The following HELZ variants were observed in gnomAD, a reference collection of about 807,000 sequenced individuals.
HELZ encodes the protein ATP-dependent RNA helicase with zinc finger domain.
In HELZ, 23 loss-of-function variants were observed where a neutral mutation model predicts 218.2. The ratio of observed to expected loss-of-function variants is 0.11; its 90% CI spans 0.08 to 0.15. The LOEUF (loss-of-function observed/expected upper bound fraction) is 0.15, where lower values mean the gene tolerates loss of function less well. Among genes scored for constraint, HELZ ranks in the 10% least tolerant of loss-of-function variants. HELZ has a pLI of 1.00. For synonymous variants in HELZ, 814 were observed against 829.4 expected, an observed-to-expected ratio of 0.98 and a Z score of 0.32; for missense variants, 1,813 against 2,353.7, an observed-to-expected ratio of 0.77 and a Z score of 4.75.
intron 28 of HELZ, among the ~76,000 whole-genome samples, chr17:67,113,893 G>A (rs2037354587): frequency 6.6e-6 from 1 of 152,218 alleles, no homozygotes; most frequent in Admixed American, 6.5e-5. Context: ...TATAAGCACA[G>A]AAGCAGAGAA....
At position 67,218,843 on chromosome 17, in the gene HELZ, C is replaced by T. The variant is rs771848250; in HGVS notation, c.-18-21G>A. On this transcript the variant is annotated intron_variant, in intron 3 of 32. Coordinates refer to ENST00000358691, the MANE Select transcript of HELZ (RefSeq NM_014877.4). The stretch of plus-strand genomic sequence containing the variant: ...AAATCCTACAGACAGGGAGAAAGAA[C>T]AAGAGAAGGTTTTTTAAACTTATTA... 7 of 1,558,846 alleles carry T rather than the reference C, an allele frequency of 4.5e-6. No individual in the cohort carries two copies. The African/African-American group carries it at 9.5e-5, about 21-fold the overall frequency.
intron 31 of HELZ, among the ~76,000 whole-genome samples, chr17:67,105,266 G>C (rs932601648): frequency 6.6e-6 from 1 of 152,136 alleles, no homozygotes; most frequent in African/African-American, 2.4e-5. Flanking sequence ...AATGTGCAGA[G>C]AACACAGTTT....
chr17:67,079,701 C>G (rs372717459), intron 32 of HELZ, among the ~76,000 whole-genome samples: 28 of 152,338 alleles, frequency 1.8e-4, no homozygotes, highest in African/African-American at 6.7e-4. Context: ...TACCCAATCA[C>G]AGCACTGGCA....
intron 24 of HELZ, among the ~76,000 whole-genome samples, chr17:67,124,414 T>A (rs1411963257): frequency 1.3e-5 from 2 of 152,194 alleles, no homozygotes. Context: ...AAAATGTTAA[T>A]CTTCAAGATG....
At chr17:67,160,461 T>C (rs2038964147) in intron 16 of HELZ, 99 bp from the exon 17 acceptor site, 1 of 739,464 alleles carries the variant, frequency 1.4e-6, no homozygotes. Flanking sequence ...CCTAATATTA[T>C]ACAATTCCCT....
intron 17 of HELZ, among the ~76,000 whole-genome samples, chr17:67,155,445 A>C (rs1366818716): frequency 2.6e-5 from 4 of 152,230 alleles, no homozygotes; most frequent in Non-Finnish European, 5.9e-5. Context: ...TGTTCAAAGA[A>C]AATAAAGCAA....
chr17:67,139,384 T>C (rs1161140504), intron 21 of HELZ, among the ~76,000 whole-genome samples: 1 of 152,168 alleles, frequency 6.6e-6, no homozygotes, highest in East Asian at 1.9e-4. Flanking sequence ...AAGAAAAAGT[T>C]ATCTTTACCC....
intron 31 of HELZ, among the ~76,000 whole-genome samples, chr17:67,103,627 G>A (rs992479591): frequency 1.5e-4 from 23 of 152,302 alleles, no homozygotes; most frequent in Middle Eastern, 3.4e-3. Context: ...TCCATGTTCA[G>A]GTACTCGAAG....
chr17:67,152,622 A>G (rs1263243635), intron 17 of HELZ, among the ~76,000 whole-genome samples: 3 of 152,132 alleles, frequency 2.0e-5, no homozygotes, highest in Admixed American at 6.6e-5. Context: ...GGGCATATTC[A>G]GTAGATATCC....
intron 20 of HELZ, among the ~76,000 whole-genome samples, chr17:67,146,294 T>A (rs191223117): frequency 9.8e-5 from 15 of 152,314 alleles, no homozygotes; most frequent in Non-Finnish European, 1.9e-4. Context: ...TCCCATAAGA[T>A]CATAGTACTG....
intron 5 of HELZ, among the ~76,000 whole-genome samples, chr17:67,210,842 A>C (rs991297172): frequency 1.3e-5 from 2 of 152,134 alleles, no homozygotes; most frequent in African/African-American, 4.8e-5. Flanking sequence ...GAATCGCTTG[A>C]ACCCAGGAGG....
chr17:67,239,192 A>C (rs1286877870), intron 3 of HELZ, among the ~76,000 whole-genome samples: 1 of 152,210 alleles, frequency 6.6e-6, no homozygotes, highest in African/African-American at 2.4e-5. Context: ...ATCTGAACAG[A>C]AGTGGAAGAT....
chr17:67,097,100 G>A (rs546014276), intron 31 of HELZ, among the ~76,000 whole-genome samples: 2 of 152,314 alleles, frequency 1.3e-5, no homozygotes, highest in South Asian at 4.1e-4. Context: ...GGAATAGGGA[G>A]ACCCAAGGAG....
chr17:67,221,806 A>G (rs2040751296), intron 3 of HELZ, among the ~76,000 whole-genome samples: 1 of 151,738 alleles, frequency 6.6e-6, no homozygotes, highest in African/African-American at 2.4e-5. Context: ...TTCACTTTAT[A>G]TAAAGTTTTT....
intron 4 of HELZ, 44 bp from the exon 5 acceptor site, chr17:67,215,979 T>C: frequency 8.9e-7 from 1 of 1,124,672 alleles, no homozygotes; most frequent in South Asian, 1.3e-5. Flanking sequence ...TTTCAAGAGC[T>C]GCTTTTAACA....
At chr17:67,174,106 T>G (rs2039386217) in intron 13 of HELZ, among the ~76,000 whole-genome samples, 1 of 151,258 alleles carries the variant, frequency 6.6e-6, no homozygotes, top group Non-Finnish European at 1.5e-5. Context: ...AAAACTTATA[T>G]GAAATATAGT....
At chr17:67,149,079 T>G (rs1344288218) in intron 19 of HELZ, among the ~76,000 whole-genome samples, 1 of 152,224 alleles carries the variant, frequency 6.6e-6, no homozygotes, top group Non-Finnish European at 1.5e-5. Context: ...TTATTTTAAA[T>G]GATGAGCTGG....
chr17:67,194,461 C>A (rs956073941), intron 8 of HELZ, among the ~76,000 whole-genome samples: 102 of 152,184 alleles, frequency 6.7e-4, no homozygotes, highest in Non-Finnish European at 1.8e-4. Flanking sequence ...CACTACTGCA[C>A]AGTGAGAAGA....
chr17:67,226,787 T>C (rs2040905069), intron 3 of HELZ, among the ~76,000 whole-genome samples: 1 of 152,198 alleles, frequency 6.6e-6, no homozygotes, highest in Non-Finnish European at 1.5e-5. Context: ...CTTTGTGATA[T>C]AAAACTACTC....
Sources: allele counts gnomAD v4.1 joint callset (sites outside exome capture counted in the v4.1 genomes callset), GRCh38; gene constraint gnomAD v4.1.1; transcripts MANE v1.5; gene names NCBI Gene and HGNC (gene_info 2026-07-23, HGNC 2026-07-21).